Variants in TEAD1 observed in about 807,000 individuals in gnomAD.
TEAD1 encodes the protein TEA domain transcription factor 1, also known as transcriptional enhancer factor TEF-1.
Under a neutral mutation model 54.9 loss-of-function variants are expected in TEAD1, and 9 were observed. The observed-to-expected ratio is 0.16, with a 90% confidence interval of 0.10 to 0.29. The LOEUF is 0.29. TEAD1 is among the 10% of genes least tolerant of loss of function. The pLI, the probability that TEAD1 is intolerant of heterozygous loss-of-function variation, is 1.00. For synonymous variants in TEAD1, 200 were observed against 187.8 expected (o/e 1.07, Z -0.53); for missense variants, 387 against 535.9 (o/e 0.72, Z 2.74).
intron 10 of TEAD1, chr11:12,905,130 AG>A (rs901030342): frequency 6.6e-6 from 1 of 152,670 alleles, no homozygotes; most frequent in Non-Finnish European, 1.5e-5. Context: ...TTTTTAAATA[AG>A]GTTTCTGATA....
chr11:12,937,934 A>T lies in TEAD1; in HGVS notation c.*712A>T, dbSNP rs1658450773. The T allele has an allele frequency of 6.6e-6, 1 of 152,370 alleles. No individual in the cohort carries two copies. The highest frequency in any genetic ancestry group is 2.4e-5 in the African/African-American group (1 of 41,332). The allele number at this position is 152,370 out of a possible 1,614,324, so 9.4% of individuals were successfully genotyped here. A position where few individuals can be genotyped will look rare whatever the true frequency, so the allele number is the denominator to read the frequency against. ...TAATCCATTAAACTCTTGAACAGGT[A>T]TTACAAAGGAAGAAAACTTCACCCC... On this transcript the variant is annotated 3_prime_UTR_variant, in exon 13 of 13. Transcript: ENST00000527636.
intron 10 of TEAD1, among the ~76,000 whole-genome samples, chr11:12,916,943 T>C (rs914469064): frequency 1.3e-5 from 2 of 152,198 alleles, no homozygotes; most frequent in Non-Finnish European, 2.9e-5. Flanking sequence ...CGGTCTGTGG[T>C]ACCCGAAGTT....
At chr11:12,901,464 T>C (rs1207258547) in intron 9 of TEAD1, among the ~76,000 whole-genome samples, 1 of 152,194 alleles carries the variant, frequency 6.6e-6, no homozygotes, top group African/African-American at 2.4e-5. Context: ...TTATTCCTGC[T>C]GGAAGAAGGA....
intron 11 of TEAD1, among the ~76,000 whole-genome samples, chr11:12,926,943 G>A (rs1345242617): frequency 6.6e-6 from 1 of 152,220 alleles, no homozygotes; most frequent in Non-Finnish European, 1.5e-5. Context: ...GAAGATGAGT[G>A]TTAGGCAATG....
chr11:12,688,390 C>T (rs1943379893), intron 2 of TEAD1, among the ~76,000 whole-genome samples: 1 of 152,178 alleles, frequency 6.6e-6, no homozygotes. Context: ...ACAATCTTTT[C>T]CTCCTGTCTA....
intron 2 of TEAD1, among the ~76,000 whole-genome samples, chr11:12,733,610 G>GC (rs1841848939): frequency 6.6e-6 from 1 of 152,176 alleles, no homozygotes; most frequent in South Asian, 2.1e-4. Flanking sequence ...GATGTCTCCT[G>GC]CCTCCTGCCT....
chr11:12,694,187 A>G lies in TEAD1; in HGVS notation c.-55+18626A>G, dbSNP rs529281970. Reference sequence around the variant, plus strand: ...TAGTGTTCCAGTGAATCCTAAAACTAGGGGACATGCAAGCCGACACTAGGC... The same window carrying G: ...TAGTGTTCCAGTGAATCCTAAAACTGGGGGACATGCAAGCCGACACTAGGC... On this transcript the variant is annotated intron_variant, in intron 2 of 12. Coordinates refer to ENST00000527636, the MANE Select transcript of TEAD1 (RefSeq NM_021961.6). Among the ~76,000 whole-genome samples the G allele has an allele frequency of 4.6e-5, 7 of 152,336 alleles. No homozygotes were observed. In the South Asian group the frequency reaches 1.4e-3, roughly 32 times the overall value.
intron 2 of TEAD1, among the ~76,000 whole-genome samples, chr11:12,696,166 A>G (rs1943577219): frequency 6.6e-6 from 1 of 152,188 alleles, no homozygotes; most frequent in Non-Finnish European, 1.5e-5. Flanking sequence ...CAAAGGTCGG[A>G]GTTCATTCAG....
intron 2 of TEAD1, among the ~76,000 whole-genome samples, chr11:12,736,332 C>A (rs1944530206): frequency 6.6e-6 from 1 of 152,120 alleles, no homozygotes; most frequent in African/African-American, 2.4e-5. Context: ...CTACCTAGAA[C>A]AAACTTCAGG....
intron 9 of TEAD1, among the ~76,000 whole-genome samples, chr11:12,898,200 A>G (rs1288938488): frequency 6.6e-6 from 1 of 152,096 alleles, no homozygotes; most frequent in East Asian, 1.9e-4. Flanking sequence ...TGAGTGGGCC[A>G]TTATCAGGGA....
At chr11:12,796,038 T>C (rs915786026) in intron 3 of TEAD1, among the ~76,000 whole-genome samples, 3 of 152,318 alleles carry the variant, frequency 2.0e-5, no homozygotes, top group African/African-American at 7.2e-5. Flanking sequence ...AGGTTGAGAA[T>C]TCTTTTTGCA....
intron 9 of TEAD1, among the ~76,000 whole-genome samples, chr11:12,892,571 G>A (rs964061930): frequency 1.3e-5 from 2 of 152,202 alleles, no homozygotes; most frequent in Non-Finnish European, 2.9e-5. Context: ...TTGAACCTGG[G>A]AAGCAGAGGT....
At chr11:12,745,587 GTTTT>G in intron 2 of TEAD1, among the ~76,000 whole-genome samples, 1 of 130,534 alleles carries the variant, frequency 7.7e-6, no homozygotes. Flanking sequence ...ATTTTAAGGG[GTTTT>G]TTTTTTTTTT....
At chr11:12,766,857 G>A (rs1945216959) in intron 3 of TEAD1, among the ~76,000 whole-genome samples, 1 of 152,188 alleles carries the variant, frequency 6.6e-6, no homozygotes, top group African/African-American at 2.4e-5. Context: ...AGCAAGTGGA[G>A]TATACAGCCT....
intron 3 of TEAD1, among the ~76,000 whole-genome samples, chr11:12,806,214 C>G (rs1232817546): frequency 6.6e-6 from 1 of 152,166 alleles, no homozygotes; most frequent in Non-Finnish European, 1.5e-5. Context: ...AGGCCTGCCC[C>G]CTTCTCTTCC....
chr11:12,747,680 G>A (rs898090964), intron 2 of TEAD1, among the ~76,000 whole-genome samples: 10 of 152,140 alleles, frequency 6.6e-5, no homozygotes, highest in Admixed American at 1.3e-4. Flanking sequence ...GGTGTGTCTG[G>A]CACAGTTAAG....
At chr11:12,788,758 T>C (rs879137531) in intron 3 of TEAD1, among the ~76,000 whole-genome samples, 1 of 152,206 alleles carries the variant, frequency 6.6e-6, no homozygotes, top group East Asian at 1.9e-4. Flanking sequence ...CTGTAAAAAA[T>C]ACTGAGTAAA....
intron 3 of TEAD1, among the ~76,000 whole-genome samples, chr11:12,787,545 C>T (rs966465876): frequency 6.6e-6 from 1 of 152,136 alleles, no homozygotes; most frequent in Non-Finnish European, 1.5e-5. Flanking sequence ...TTTCGTTGCA[C>T]AGATTAAATT....
intron 3 of TEAD1, among the ~76,000 whole-genome samples, chr11:12,817,836 A>C (rs1482860242): frequency 2.0e-5 from 3 of 152,222 alleles, no homozygotes; most frequent in Non-Finnish European, 2.9e-5. Context: ...CCATTGAAAC[A>C]CAGTCCTCTG....
Sources: allele counts gnomAD v4.1 joint callset (sites outside exome capture counted in the v4.1 genomes callset), GRCh38; gene constraint gnomAD v4.1.1; transcripts MANE v1.5; gene names NCBI Gene and HGNC (gene_info 2026-07-23, HGNC 2026-07-21).